Variants in SLC9B1 observed in about 807,000 individuals in gnomAD.
The protein encoded by SLC9B1 is sodium/hydrogen exchanger 9B1.
A neutral mutation model predicts 51.7 loss-of-function variants in SLC9B1; 32 were observed. That is an observed-to-expected ratio of 0.62 (90% CI 0.47 to 0.83). The LOEUF is 0.83. Among genes scored for constraint, SLC9B1 ranks in the 40% least tolerant of loss-of-function variants. The pLI, the probability that SLC9B1 is intolerant of heterozygous loss-of-function variation, is 0.00. For synonymous variants in SLC9B1, 145 were observed against 212.7 expected, an observed-to-expected ratio of 0.68 and a Z score of 2.77; for missense variants, 406 against 613.2, an observed-to-expected ratio of 0.66 and a Z score of 3.57.
At chr4:102,946,549 C>G in intron 5 of SLC9B1, 98 bp downstream of exon 5, 2 of 1,341,978 alleles carry the variant, frequency 1.5e-6, no homozygotes, top group South Asian at 2.6e-5. Flanking sequence ...TTTACAGACT[C>G]TATTTGGAAC....
intron 3 of SLC9B1, among the ~76,000 whole-genome samples, chr4:102,952,837 T>G (rs1737619194): frequency 1.9e-5 from 1 of 53,794 alleles, no homozygotes; most frequent in Non-Finnish European, 3.4e-5. Flanking sequence ...TTCTTGTAAA[T>G]TTGTTTGAGT....
chr4:102,925,063 C>G (rs188279234), intron 7 of SLC9B1, among the ~76,000 whole-genome samples: 1 of 152,120 alleles, frequency 6.6e-6, no homozygotes, highest in Non-Finnish European at 1.5e-5. Context: ...GGTCATATAC[C>G]CAAAGGATTA....
At chr4:102,960,743 T>C (rs1738064738) in intron 3 of SLC9B1, among the ~76,000 whole-genome samples, 1 of 151,852 alleles carries the variant, frequency 6.6e-6, no homozygotes, top group Non-Finnish European at 1.5e-5. Flanking sequence ...TTTCTTTTTT[T>C]TTTTTTGAGA....
intron 6 of SLC9B1, among the ~76,000 whole-genome samples, chr4:102,932,901 C>A (rs1480520647): frequency 6.6e-6 from 1 of 152,142 alleles, no homozygotes; most frequent in Non-Finnish European, 1.5e-5. Flanking sequence ...AAGGAAGGAA[C>A]AGAGTTGTCT....
At chr4:102,940,116 C>G (rs1210967807) in intron 6 of SLC9B1, among the ~76,000 whole-genome samples, 1 of 152,172 alleles carries the variant, frequency 6.6e-6, no homozygotes, top group Admixed American at 6.6e-5. Flanking sequence ...ATAGTAGCCT[C>G]TCAAGAGCTC....
intron 6 of SLC9B1, among the ~76,000 whole-genome samples, chr4:102,937,734 A>AG (rs1303265212): frequency 6.6e-6 from 1 of 151,010 alleles, no homozygotes; most frequent in African/African-American, 2.4e-5. Flanking sequence ...AAAAAAAAAA[A>AG]AAAAAAAAAA....
intron 3 of SLC9B1, among the ~76,000 whole-genome samples, chr4:102,959,190 G>A (rs1737953945): frequency 6.6e-6 from 1 of 151,530 alleles, no homozygotes; most frequent in South Asian, 2.1e-4. Context: ...AAACAAGCAG[G>A]TTGAATGTAA....
intron 3 of SLC9B1, among the ~76,000 whole-genome samples, chr4:102,987,725 G>C (rs1254399438): frequency 6.6e-6 from 1 of 152,050 alleles, no homozygotes; most frequent in Non-Finnish European, 1.5e-5. Flanking sequence ...CCATAATTGG[G>C]GACCTCCTCG....
At chr4:102,969,066 C>T (rs184781593) in intron 3 of SLC9B1, among the ~76,000 whole-genome samples, 185 of 152,298 alleles carry the variant, frequency 1.2e-3, no homozygotes, top group African/African-American at 3.7e-3. Context: ...TGCAGCTCAA[C>T]GAGGCCTGGC....
At chr4:102,965,902 C>T (rs529804280) in intron 3 of SLC9B1, among the ~76,000 whole-genome samples, 4 of 152,288 alleles carry the variant, frequency 2.6e-5, no homozygotes, top group South Asian at 2.1e-4. Flanking sequence ...TGACAGGCCT[C>T]GAGCAAGTTC....
intron 3 of SLC9B1, among the ~76,000 whole-genome samples, chr4:102,970,683 A>G (rs985447302): frequency 2.0e-5 from 3 of 152,062 alleles, no homozygotes; most frequent in Non-Finnish European, 2.9e-5. Context: ...ATTAAAAGAC[A>G]CAGACTGGCA....
At chr4:103,004,354 T>C (rs1461442840) in intron 1 of SLC9B1, among the ~76,000 whole-genome samples, 1 of 152,106 alleles carries the variant, frequency 6.6e-6, no homozygotes, top group African/African-American at 2.4e-5. Flanking sequence ...TTGAAGACCA[T>C]TTCTTTGAAA....
intron 7 of SLC9B1, among the ~76,000 whole-genome samples, 193 bp from the exon 8 acceptor site, chr4:102,911,730 A>T (rs886464428): frequency 6.6e-6 from 1 of 152,198 alleles, no homozygotes; most frequent in Non-Finnish European, 1.5e-5. Context: ...TATACTCTCA[A>T]ATAATTTAAT....
intron 5 of SLC9B1, among the ~76,000 whole-genome samples, chr4:102,946,285 T>C (rs982617659): frequency 1.3e-5 from 2 of 152,138 alleles, no homozygotes; most frequent in African/African-American, 4.8e-5. Flanking sequence ...AGTCTTTTTT[T>C]CTTCTGTTTT....
intron 6 of SLC9B1, among the ~76,000 whole-genome samples, chr4:102,937,723 C>CAAAAAA (rs35545999): frequency 1.2e-4 from 7 of 56,844 alleles, no homozygotes; most frequent in Admixed American, 2.4e-4. Context: ...ACTCTGTCGC[C>CAAAAAA]AAAAAAAAAA....
intron 7 of SLC9B1, among the ~76,000 whole-genome samples, chr4:102,914,644 A>G (rs188927512): frequency 6.6e-6 from 1 of 152,334 alleles, no homozygotes; most frequent in African/African-American, 2.4e-5. Flanking sequence ...ATCAAGCAGA[A>G]TAAAGAATCA....
At chr4:102,974,242 GAA>G (rs141412944) in intron 3 of SLC9B1, among the ~76,000 whole-genome samples, 38 of 53,454 alleles carry the variant, frequency 7.1e-4, no homozygotes, top group East Asian at 3.9e-3. Flanking sequence ...GTCTAAAATT[GAA>G]AAAAAAAAAA....
At chr4:102,973,960 G>A (rs552218494) in intron 3 of SLC9B1, among the ~76,000 whole-genome samples, 1 of 152,276 alleles carries the variant, frequency 6.6e-6, no homozygotes, top group South Asian at 2.1e-4. Flanking sequence ...AAGAGATTGG[G>A]CATGGTGGCT....
intron 3 of SLC9B1, among the ~76,000 whole-genome samples, chr4:102,979,503 C>T (rs567948850): frequency 1.3e-4 from 20 of 152,268 alleles, no homozygotes; most frequent in African/African-American, 4.6e-4. Context: ...TAGTTAACTG[C>T]GTACTCAAAG....
Sources: gnomAD v4.1 joint callset for allele counts (sites outside exome capture counted in the v4.1 genomes callset) on GRCh38, gnomAD v4.1.1 for gene constraint, MANE v1.5 for transcripts, NCBI Gene and HGNC (gene_info 2026-07-23, HGNC 2026-07-21) for gene names.